Variants in SLC1A2 observed in about 807,000 individuals in gnomAD.
The protein encoded by SLC1A2 is solute carrier family 1 member 2, also known as excitatory amino acid transporter 2.
A neutral mutation model predicts 48.8 loss-of-function variants in SLC1A2; 15 were observed. The ratio of observed to expected loss-of-function variants is 0.31; its 90% CI spans 0.21 to 0.47. The LOEUF (loss-of-function observed/expected upper bound fraction) is 0.47. Ranked by LOEUF, SLC1A2 falls within the 20% of genes least tolerant of loss-of-function variation. SLC1A2 has a pLI of 0.99. For synonymous variants in SLC1A2, 279 were observed against 272.6 expected, an observed-to-expected ratio of 1.02 and a Z score of -0.23; for missense variants, 502 against 730.5, an observed-to-expected ratio of 0.69 and a Z score of 3.61.
At chr11:35,328,270 C>T (rs1256413343) in intron 1 of SLC1A2, among the ~76,000 whole-genome samples, 1 of 152,208 alleles carries the variant, frequency 6.6e-6, no homozygotes, top group African/African-American at 2.4e-5. Context: ...TTCACTCCAA[C>T]TCTGGTTCTT....
chr11:35,334,039 G>T (rs532403119), intron 1 of SLC1A2, among the ~76,000 whole-genome samples: 2 of 152,118 alleles, frequency 1.3e-5, no homozygotes, highest in South Asian at 4.2e-4. Context: ...AGTTACTAAA[G>T]GGTTTTGTCC....
chr11:35,378,964 C>T (rs1854330437), intron 1 of SLC1A2, among the ~76,000 whole-genome samples: 1 of 152,194 alleles, frequency 6.6e-6, no homozygotes, highest in Non-Finnish European at 1.5e-5. Flanking sequence ...CGCAGTGACT[C>T]ATGCCTGTAA....
intron 1 of SLC1A2, among the ~76,000 whole-genome samples, chr11:35,341,037 G>C (rs1232496167): frequency 6.6e-6 from 1 of 152,202 alleles, no homozygotes; most frequent in Admixed American, 6.5e-5. Flanking sequence ...ATAAAACACA[G>C]ATTGAGTACA....
At chr11:35,349,702 T>A (rs1408983040) in intron 1 of SLC1A2, among the ~76,000 whole-genome samples, 6 of 152,228 alleles carry the variant, frequency 3.9e-5, no homozygotes, top group Non-Finnish European at 7.3e-5. Flanking sequence ...ACAGGACATC[T>A]GCATTTCAAA....
At chr11:35,381,693 C>T (rs561003382) in intron 1 of SLC1A2, among the ~76,000 whole-genome samples, 7 of 152,172 alleles carry the variant, frequency 4.6e-5, no homozygotes, top group African/African-American at 1.4e-4. Flanking sequence ...GCCCCCTCAG[C>T]GAGGCCCCCA....
At chr11:35,282,831 C>T (rs1185251621) in intron 8 of SLC1A2, among the ~76,000 whole-genome samples, 2 of 152,168 alleles carry the variant, frequency 1.3e-5, no homozygotes, top group Non-Finnish European at 2.9e-5. Context: ...CTGGAAGTTG[C>T]TTTCCCCTCT....
intron 9 of SLC1A2, among the ~76,000 whole-genome samples, chr11:35,269,486 C>T (rs776520584): frequency 1.1e-4 from 17 of 152,180 alleles, no homozygotes; most frequent in Non-Finnish European, 2.2e-4. Flanking sequence ...ACTCCACTCA[C>T]ACACCATGTT....
Position 35,418,933 on chromosome 11 carries a change from G to T in SLC1A2, c.17+17C>A. On this transcript the variant is annotated intron_variant, in intron 1 of 10. Coordinates refer to ENST00000278379, the MANE Select transcript of SLC1A2 (RefSeq NM_004171.4). ...GTGACCCCGCTTTCCCGCGGGTACA[G>T]ATAAAAATCCCCTCACCCTTCCGTA... The T allele has an allele frequency of 6.4e-7, 1 of 1,559,864 alleles. No homozygotes were observed. Among genetic ancestry groups the T allele is most frequent in the Admixed American group, 1.9e-5 (1 of 53,042 alleles).
At chr11:35,276,298 C>T (rs549146329) in intron 9 of SLC1A2, among the ~76,000 whole-genome samples, 1 of 152,248 alleles carries the variant, frequency 6.6e-6, no homozygotes, top group African/African-American at 2.4e-5. Flanking sequence ...GACTCTCTTT[C>T]CCTTGATCAC....
chr11:35,341,681 C>T (rs1179837620), intron 1 of SLC1A2, among the ~76,000 whole-genome samples: 1 of 152,120 alleles, frequency 6.6e-6, no homozygotes, highest in Non-Finnish European at 1.5e-5. Context: ...GAGTCCAAAC[C>T]GGTATTGGGT....
chr11:35,415,125 C>T (rs1162202894), intron 1 of SLC1A2, among the ~76,000 whole-genome samples: 3 of 152,124 alleles, frequency 2.0e-5, no homozygotes, highest in Non-Finnish European at 2.9e-5. Flanking sequence ...ATATATTGCT[C>T]GTTTTTTGCA....
At chr11:35,363,398 C>T (rs1853745446) in intron 1 of SLC1A2, among the ~76,000 whole-genome samples, 1 of 152,070 alleles carries the variant, frequency 6.6e-6, no homozygotes, top group African/African-American at 2.4e-5. Flanking sequence ...AAAGTTGCTA[C>T]AGATGCCTCT....
At chr11:35,322,786 C>A (rs1177721884) in intron 1 of SLC1A2, 2 of 741,970 alleles carry the variant, frequency 2.7e-6, no homozygotes, top group Non-Finnish European at 4.7e-6. Context: ...GCTCGAGCAC[C>A]AAGAACCAGG....
At chr11:35,316,190 T>A (rs1851870480) in intron 2 of SLC1A2, 1 of 152,160 alleles carries the variant, frequency 6.6e-6, no homozygotes, top group African/African-American at 2.4e-5. Context: ...CTTTACAGAC[T>A]CAAAGTTCCC....
intron 1 of SLC1A2, among the ~76,000 whole-genome samples, chr11:35,355,505 G>C (rs1007585030): frequency 1.3e-5 from 2 of 152,188 alleles, no homozygotes; most frequent in African/African-American, 2.4e-5. Context: ...TGACTGCCTT[G>C]TTTTGCTGCG....
intron 5 of SLC1A2, 78 bp from the exon 6 acceptor site, chr11:35,301,723 A>G: frequency 7.2e-7 from 1 of 1,380,474 alleles, no homozygotes; most frequent in African/African-American, 1.4e-5. Flanking sequence ...TACCATTCCC[A>G]ATGTATGGAG....
intron 1 of SLC1A2, among the ~76,000 whole-genome samples, chr11:35,403,178 A>G (rs1385163991): frequency 6.6e-6 from 1 of 152,212 alleles, no homozygotes; most frequent in Admixed American, 6.5e-5. Context: ...TCCATTCCAA[A>G]ACCCTATCAG....
chr11:35,326,876 G>A (rs773332630), intron 1 of SLC1A2, among the ~76,000 whole-genome samples: 13 of 152,190 alleles, frequency 8.5e-5, no homozygotes, highest in South Asian at 2.1e-4. Flanking sequence ...AGAAACTCAC[G>A]GAAAAAGCAA....
chr11:35,308,931 C>T (rs964405891), intron 4 of SLC1A2, among the ~76,000 whole-genome samples: 1 of 152,178 alleles, frequency 6.6e-6, no homozygotes, highest in African/African-American at 2.4e-5. Flanking sequence ...TCCCCTGGCC[C>T]ACCAAGTCAT....
Sources: gnomAD v4.1 joint callset for allele counts (sites outside exome capture counted in the v4.1 genomes callset) on GRCh38, gnomAD v4.1.1 for gene constraint, MANE v1.5 for transcripts, NCBI Gene and HGNC (gene_info 2026-07-23, HGNC 2026-07-21) for gene names.